The following HELLS variants were observed in gnomAD, a reference collection of about 807,000 sequenced individuals.
The protein encoded by HELLS is helicase, lymphoid specific.
Under a neutral mutation model 120.0 loss-of-function variants are expected in HELLS, and 32 were observed. The observed-to-expected ratio is 0.27, with a 90% confidence interval of 0.20 to 0.36. The LOEUF is 0.36. HELLS is among the 10% of genes least tolerant of loss of function. The pLI, the probability that HELLS is intolerant of heterozygous loss-of-function variation, is 1.00. For missense variants in HELLS, 650 were observed against 993.4 expected (o/e 0.65, Z 4.65); for synonymous variants, 341 against 323.4 (o/e 1.05, Z -0.58).
In HELLS at chr10:94,557,218, A is replaced by C. The variant is rs750499656; in HGVS notation, c.277-921A>C. On this transcript the variant is annotated intron_variant, in intron 3 of 21. Coordinates refer to ENST00000348459, the MANE Select transcript of HELLS (RefSeq NM_018063.5). ...TTAAAAACTTGTGCAAATTGAGAGAATACAGTAAGTCCCGGTGTCCCCATC... is the reference window on the plus strand; with the variant it reads ...TTAAAAACTTGTGCAAATTGAGAGACTACAGTAAGTCCCGGTGTCCCCATC... 4.1e-4 allele frequency: 171 copies of C among 416,300 alleles called. 1 individual carries two copies. The highest frequency in any genetic ancestry group is 2.7e-3 in the Middle Eastern group (8 of 2,936). The allele number at this position is 416,300 out of a possible 1,614,324, so 25.8% of individuals were successfully genotyped here.
At chr10:94,551,941 G>A (rs1041819354) in intron 2 of HELLS, among the ~76,000 whole-genome samples, 2 of 151,968 alleles carry the variant, frequency 1.3e-5, no homozygotes, top group Non-Finnish European at 2.9e-5. Context: ...GGGTTTCACC[G>A]TGTTAGCCAG....
chr10:94,569,234 G>T (rs1844003579), intron 6 of HELLS: 2 of 152,082 alleles, frequency 1.3e-5, no homozygotes, highest in South Asian at 4.1e-4. Flanking sequence ...CTGGGCTGGA[G>T]TGCAGTGGCA....
Position 94,558,096 on chromosome 10 carries a change from G to A in HELLS, c.277-43G>A, listed in dbSNP as rs987326704. 2.6e-6 allele frequency: 4 copies of A among 1,535,426 alleles called. No individual in the cohort carries two copies. In the South Asian group the frequency reaches 3.9e-5, roughly 15 times the overall value. Reference sequence around the variant, plus strand: ...ATTGATATGCGTTTTTTTTTTAAATGTTGCACTTTCCACTTGTGACATAAG... The same window carrying A: ...ATTGATATGCGTTTTTTTTTTAAATATTGCACTTTCCACTTGTGACATAAG... On this transcript the variant is annotated intron_variant, in intron 3 of 21. Coordinates refer to ENST00000348459, the MANE Select transcript of HELLS (RefSeq NM_018063.5).
intron 6 of HELLS, among the ~76,000 whole-genome samples, chr10:94,568,442 T>A (rs1473172496): frequency 6.6e-6 from 1 of 152,174 alleles, no homozygotes. Context: ...TAGGAGGTTA[T>A]CTGAATTTCC....
chr10:94,554,657 T>G (rs200277999), intron 3 of HELLS, among the ~76,000 whole-genome samples: 2 of 98,258 alleles, frequency 2.0e-5, no homozygotes, highest in East Asian at 9.3e-4. Context: ...TTTTTTTTTG[T>G]TTTTTTTTTT....
intron 8 of HELLS, 47 bp from the exon 9 acceptor site, chr10:94,574,507 A>T: frequency 7.6e-7 from 1 of 1,317,326 alleles, no homozygotes; most frequent in Non-Finnish European, 1.1e-6. Flanking sequence ...GTAATCCTGT[A>T]GTTGTTTATA....
At chr10:94,602,879 T>G (rs1846080172), downstream of HELLS, among the ~76,000 whole-genome samples, 1 of 152,178 alleles carries the variant, frequency 6.6e-6, no homozygotes, top group African/African-American at 2.4e-5. Flanking sequence ...CTAGGCTTGC[T>G]TGAAACTCGT....
chr10:94,562,800 T>C lies in HELLS; in HGVS notation c.371-12T>C, dbSNP rs532691572. On this transcript the variant is annotated splice_polypyrimidine_tract_variant and intron_variant, in intron 5 of 21. Coordinates refer to ENST00000348459, the MANE Select transcript of HELLS (RefSeq NM_018063.5). ...TTTTAATTGCTATCAAAAATAAAAT[T>C]TTTTTTTATAGTTATGAGGAAAAAA... is the stretch of plus-strand genomic sequence containing the variant. 16 of 1,548,538 alleles carry C rather than the reference T, an allele frequency of 1.0e-5. No homozygotes were observed. The South Asian group carries it at 1.9e-4, about 18-fold the overall frequency.
At chr10:94,576,098 C>T (rs528083394) in intron 9 of HELLS, among the ~76,000 whole-genome samples, 26 of 151,706 alleles carry the variant, frequency 1.7e-4, no homozygotes, top group African/African-American at 4.4e-4. Flanking sequence ...CCACCTGGCC[C>T]GTCTATTTGT....
At chr10:94,581,236 C>T (rs1252658386) in intron 10 of HELLS, 90 bp from the exon 11 acceptor site, 1 of 670,772 alleles carries the variant, frequency 1.5e-6, no homozygotes. Flanking sequence ...AACATCCATC[C>T]CTCATAATAG....
At position 94,554,085 on chromosome 10, in the gene HELLS, CAGA is replaced by C. The variant is rs531049416; in HGVS notation, c.154-39_154-37del. The C allele has an allele frequency of 1.9e-4, 293 of 1,506,184 alleles. 1 individual carries two copies. The African/African-American group carries it at 4.1e-3, about 21-fold the overall frequency. 93.3% of individuals were successfully genotyped at this position (1,506,184 alleles called of 1,614,324 possible). A position where few individuals can be genotyped will look rare whatever the true frequency, so the allele number is the denominator to read the frequency against. On this transcript the variant is annotated intron_variant, in intron 2 of 21. Transcript: ENST00000348459. The stretch of plus-strand genomic sequence containing the variant: ...TTATGCCAAAAAAATTAAGGTATGT[CAGA>C]AAGTGTTCATAATTATGGAAATTTT...
chr10:94,576,820 C>G lies in HELLS; in HGVS notation c.1032+15C>G, dbSNP rs371321781. 1.3e-6 allele frequency: 2 copies of G among 1,582,094 alleles called. No individual in the cohort carries two copies. ...ATGCGTTACAGGTACAAATGATCTT[C>G]ATTGGTTTCTTTGTAATACATAAAA... On this transcript the variant is annotated intron_variant, in intron 10 of 21. Coordinates refer to ENST00000348459, the MANE Select transcript of HELLS (RefSeq NM_018063.5).
At chr10:94,606,215 ATCTTATTTTTGTTTTGTTTTAC>A (rs566316477), downstream of HELLS, among the ~76,000 whole-genome samples, 11 of 151,794 alleles carry the variant, frequency 7.2e-5, no homozygotes, top group South Asian at 1.2e-3. Context: ...TATGTTGTGT[ATCTTATTTTTGTTTTGTTTTAC>A]TCTTGAATCA....
chr10:94,569,684 T>G (rs979894251), intron 6 of HELLS: 9 of 152,214 alleles, frequency 5.9e-5, no homozygotes, highest in African/African-American at 2.2e-4. Flanking sequence ...GCTCACATGA[T>G]CCTCCTGCCT....
At position 94,590,444 on chromosome 10, in the gene HELLS, G is replaced by A. The variant is rs368865793; in HGVS notation, c.1520G>A (p.Arg507Gln). 7.5e-6 allele frequency: 12 copies of A among 1,608,976 alleles called. No individual in the cohort carries two copies. Among genetic ancestry groups the A allele is most frequent in the Admixed American group, 6.9e-5 (4 of 58,358 alleles). Reference protein sequence around the residue: ...KETIELSPTGRPKRRTRKSIN... With the variant: ...KETIELSPTGQPKRRTRKSIN... ...ACAATTGAGTTAAGTCCTACTGGTCGACCAAAACGACGAACTAGAAAATCA... is the reference window on the plus strand; with the variant it reads ...ACAATTGAGTTAAGTCCTACTGGTCAACCAAAACGACGAACTAGAAAATCA... Residue 507 changes from arginine (R) to glutamine (Q), a missense_variant, in exon 14 of 22, where the codon CGA (arginine) becomes CAA (glutamine). By Grantham distance (43) the Arg-to-Gln change is conservative. Around this residue, in one of 9 missense-constraint regions of HELLS, gnomAD observed 191 missense variants for 259.7 expected, o/e 0.74. Coordinates refer to ENST00000348459, the MANE Select transcript of HELLS (RefSeq NM_018063.5).
chr10:94,583,097 C>A, intron 12 of HELLS, 38 bp downstream of exon 12: 1 of 1,206,082 alleles, frequency 8.3e-7, no homozygotes, highest in Non-Finnish European at 1.2e-6. Flanking sequence ...ACCATAGGCT[C>A]GATAGAGTAT....
intron 2 of HELLS, among the ~76,000 whole-genome samples, chr10:94,546,848 C>G (rs11188012): frequency 0.49 from 73,860 of 152,004 alleles, 18,165 homozygotes; most frequent in East Asian, 0.74. Context: ...ATGTATGTCT[C>G]ATGGCAAACA....
At chr10:94,596,627 T>A (rs899419646) in intron 19 of HELLS, among the ~76,000 whole-genome samples, 1 of 152,216 alleles carries the variant, frequency 6.6e-6, no homozygotes, top group Non-Finnish European at 1.5e-5. Context: ...TTTTTGGTCC[T>A]TGATCTTAGG....
At chr10:94,608,417 G>C (rs941343768) in intron 9 of HELLS, among the ~76,000 whole-genome samples, 2 of 152,026 alleles carry the variant, frequency 1.3e-5, no homozygotes, top group African/African-American at 4.8e-5. Context: ...CTTTCTTACA[G>C]CACCCTAAAA....
Sources: allele counts gnomAD v4.1 joint callset (sites outside exome capture counted in the v4.1 genomes callset), GRCh38; gene constraint gnomAD v4.1.1; regional missense constraint gnomAD v4.1.1; transcripts MANE v1.5; gene names NCBI Gene and HGNC (gene_info 2026-07-23, HGNC 2026-07-21).